The following KIAA1328 variants were observed in gnomAD, a reference collection of about 807,000 sequenced individuals.
KIAA1328 encodes the protein KIAA1328, also known as protein hinderin.
In KIAA1328, 52 loss-of-function variants were observed where a neutral mutation model predicts 68.1. That is an observed-to-expected ratio of 0.76 (90% CI 0.61 to 0.96). KIAA1328 has a LOEUF of 0.96. KIAA1328 is among the 40% of genes least tolerant of loss of function. The pLI is 0.00. For missense variants in KIAA1328, 641 were observed against 677.6 expected (o/e 0.95, Z 0.60); for synonymous variants, 232 against 239.4 (o/e 0.97, Z 0.28).
rs534652077 is a variant in KIAA1328 at position 37,220,683 on chromosome 18, T to C, written c.1524-1334T>C. On this transcript the variant is annotated intron_variant, in intron 9 of 9. Coordinates refer to ENST00000280020, the MANE Select transcript of KIAA1328 (RefSeq NM_020776.3). ...AAAGATGACATTTTTGCCACAGGGA[T>C]GGGCTTGGGAAACAGACAACCCAGC... Among the ~76,000 whole-genome samples the C allele has an allele frequency of 1.9e-4, 29 of 152,336 alleles. 1 individual carries two copies. The highest frequency in any genetic ancestry group is 1.9e-3 in the Admixed American group (29 of 15,296).
chr18:37,052,541 C>T lies in KIAA1328; in HGVS notation c.577-14349C>T, dbSNP rs183486578. On this transcript the variant is annotated intron_variant, in intron 6 of 9. Coordinates refer to ENST00000280020, the MANE Select transcript of KIAA1328 (RefSeq NM_020776.3). Reference sequence around the variant, plus strand: ...AAGACATCCAAACAGAAAAAGAGGACGTCAAATTATCTCTGTTCACTGACG... The same window carrying T: ...AAGACATCCAAACAGAAAAAGAGGATGTCAAATTATCTCTGTTCACTGACG... Among the ~76,000 whole-genome samples the T allele has an allele frequency of 1.1e-3, 167 of 151,740 alleles. 3 individuals carry two copies. Among genetic ancestry groups the T allele is most frequent in the African/African-American group, 3.9e-3 (162 of 41,356 alleles).
intron 5 of KIAA1328, among the ~76,000 whole-genome samples, chr18:36,892,636 T>C (rs374414174): frequency 6.6e-6 from 1 of 152,206 alleles, no homozygotes; most frequent in Admixed American, 6.5e-5. Context: ...ACTACAGAAG[T>C]TGTATTTCTT....
chr18:36,984,320 C>A (rs1030101305), intron 6 of KIAA1328, among the ~76,000 whole-genome samples: 1 of 152,012 alleles, frequency 6.6e-6, no homozygotes, highest in African/African-American at 2.4e-5. Flanking sequence ...ATAAAATATT[C>A]TTTATTTATA....
intron 5 of KIAA1328, among the ~76,000 whole-genome samples, chr18:36,958,289 T>G (rs548459724): frequency 6.6e-6 from 1 of 152,318 alleles, no homozygotes; most frequent in East Asian, 1.9e-4. Context: ...GTACATATGT[T>G]TTTTAAAAAG....
At chr18:36,932,794 G>A (rs1445529) in intron 5 of KIAA1328, among the ~76,000 whole-genome samples, 20,724 of 152,176 alleles carry the variant, frequency 0.14, 1,760 homozygotes, top group Admixed American at 0.18. Flanking sequence ...ATTAAAAGAC[G>A]CAGTGGGGTT....
At chr18:37,195,232 A>T (rs1384137403) in intron 9 of KIAA1328, among the ~76,000 whole-genome samples, 1 of 152,156 alleles carries the variant, frequency 6.6e-6, no homozygotes, top group African/African-American at 2.4e-5. Context: ...ATCAATTAAT[A>T]AACTTCTCTT....
In KIAA1328 at chr18:36,898,094, A is replaced by G. The variant is rs141563353; in HGVS notation, c.448+12422A>G. 7.1e-4 allele frequency among the ~76,000 whole-genome samples: 108 copies of G among 152,162 alleles called. 1 individual carries two copies. Among genetic ancestry groups the G allele is most frequent in the African/African-American group, 2.4e-3 (99 of 41,562 alleles). On this transcript the variant is annotated intron_variant, in intron 5 of 9. Transcript: ENST00000280020. ...TATGAAGTTCTATGAAAATATAAAG[A>G]TGATAAAATATTTTCTTGGCCTGAA...
intron 4 of KIAA1328, among the ~76,000 whole-genome samples, chr18:36,863,538 T>A (rs2047639857): frequency 6.6e-6 from 1 of 152,214 alleles, no homozygotes; most frequent in African/African-American, 2.4e-5. Flanking sequence ...AATAAGCTTG[T>A]TAATGTCTAC....
chr18:37,076,975 C>G (rs2056761856), intron 7 of KIAA1328, among the ~76,000 whole-genome samples: 1 of 152,166 alleles, frequency 6.6e-6, no homozygotes, highest in Non-Finnish European at 1.5e-5. Context: ...TCCTCCCTAA[C>G]TCATTTTATG....
At chr18:36,833,852 A>G (rs2046581868) in intron 1 of KIAA1328, among the ~76,000 whole-genome samples, 4 of 152,214 alleles carry the variant, frequency 2.6e-5, no homozygotes, top group African/African-American at 9.6e-5. Flanking sequence ...TTGTGTTTGC[A>G]TGATTGACTT....
intron 6 of KIAA1328, among the ~76,000 whole-genome samples, chr18:36,997,133 G>A (rs2053422627): frequency 6.6e-6 from 1 of 152,008 alleles, no homozygotes; most frequent in Admixed American, 6.6e-5. Flanking sequence ...TACTTTTAAA[G>A]GAAGACTAGT....
chr18:36,899,754 G>T (rs1430729512), intron 5 of KIAA1328, among the ~76,000 whole-genome samples: 2 of 151,918 alleles, frequency 1.3e-5, no homozygotes, highest in Non-Finnish European at 2.9e-5. Flanking sequence ...AATTGGGAAA[G>T]TTGGCAGAAG....
intron 6 of KIAA1328, among the ~76,000 whole-genome samples, chr18:37,007,751 G>T (rs867048352): frequency 6.6e-6 from 1 of 152,074 alleles, no homozygotes; most frequent in Middle Eastern, 3.2e-3. Context: ...AATAAAGCAT[G>T]AAGAACTTCC....
At chr18:37,033,084 G>A (rs1021515915) in intron 6 of KIAA1328, among the ~76,000 whole-genome samples, 6 of 152,056 alleles carry the variant, frequency 3.9e-5, no homozygotes, top group African/African-American at 7.2e-5. Context: ...TGTTGCATGC[G>A]TTTATAATGT....
intron 9 of KIAA1328, among the ~76,000 whole-genome samples, chr18:37,215,519 G>A (rs1281324105): frequency 6.6e-6 from 1 of 152,210 alleles, no homozygotes; most frequent in East Asian, 1.9e-4. Context: ...TGGTGGATAA[G>A]CTTTTTGATG....
intron 6 of KIAA1328, among the ~76,000 whole-genome samples, chr18:37,057,427 AT>A (rs529618213): frequency 0.098 from 13,534 of 137,898 alleles, 1,978 homozygotes; most frequent in African/African-American, 0.34. Context: ...AATTGCATGA[AT>A]TTTTTTTTTT....
chr18:37,080,203 C>G (rs1019959318), intron 7 of KIAA1328, among the ~76,000 whole-genome samples: 2 of 152,074 alleles, frequency 1.3e-5, no homozygotes, highest in African/African-American at 4.8e-5. Flanking sequence ...TTTCCAGAAC[C>G]CAGATCTCTT....
intron 7 of KIAA1328, among the ~76,000 whole-genome samples, chr18:37,125,103 G>C (rs906533725): frequency 6.6e-6 from 1 of 152,160 alleles, no homozygotes; most frequent in Non-Finnish European, 1.5e-5. Context: ...CGTGGTGAGT[G>C]AATTGCATGA....
chr18:36,996,803 T>C (rs2053409502), intron 6 of KIAA1328, among the ~76,000 whole-genome samples: 1 of 152,226 alleles, frequency 6.6e-6, no homozygotes, highest in South Asian at 2.1e-4. Context: ...GAAAACCACA[T>C]GTATTTCATC....
Sources: allele counts gnomAD v4.1 joint callset (sites outside exome capture counted in the v4.1 genomes callset), GRCh38; gene constraint gnomAD v4.1.1; transcripts MANE v1.5; gene names NCBI Gene and HGNC (gene_info 2026-07-23, HGNC 2026-07-21).